The following CHRDL2 variants were observed in gnomAD, a reference collection of about 807,000 sequenced individuals.
The protein encoded by CHRDL2 is chordin-like protein 2.
A neutral mutation model predicts 54.3 loss-of-function variants in CHRDL2; 41 were observed. The ratio of observed to expected loss-of-function variants is 0.76; its 90% CI spans 0.59 to 0.98. CHRDL2 has a LOEUF of 0.98. CHRDL2 is among the 50% of genes least tolerant of loss of function. The pLI is 0.00. For missense variants in CHRDL2, 518 were observed against 562.4 expected (o/e 0.92, Z 0.80); for synonymous variants, 220 against 224.3 (o/e 0.98, Z 0.17).
chr11:74,704,364 C>T (rs559918241), intron 7 of CHRDL2, 122 bp downstream of exon 7: 11 of 919,234 alleles, frequency 1.2e-5, no homozygotes, highest in Non-Finnish European at 1.8e-5. Flanking sequence ...TCTACAAGCT[C>T]ATGGCCAAGT....
intron 5 of CHRDL2, 43 bp from the exon 6 acceptor site, chr11:74,706,585 G>A (rs915795087): frequency 2.5e-6 from 4 of 1,604,096 alleles, no homozygotes; most frequent in Non-Finnish European, 3.4e-6. Context: ...AGGCTCCCCA[G>A]CCTTGCTGGC....
intron 4 of CHRDL2, among the ~76,000 whole-genome samples, chr11:74,709,425 C>T (rs2034115085): frequency 6.6e-6 from 1 of 152,196 alleles, no homozygotes; most frequent in South Asian, 2.1e-4. Context: ...GAGCCCGTTT[C>T]CTCATCTGGA....
chr11:74,702,827 A>G lies in CHRDL2; in HGVS notation c.1087T>C (p.Leu363=), dbSNP rs34528207. Residue 363 remains leucine (L), a synonymous_variant, in exon 9 of 11, where the codon TTG becomes CTG. Transcript: ENST00000376332. ...AGCTTCCAGAGGTAGATCTCCACCA[A>G]GTCCGAGGCCTCGTGTTCCAGGGCA... The part of the protein sequence containing the change: ...RFALEHEASD[L]VEIYLWKLVK... The G allele has an allele frequency of 0.17, 269,699 of 1,613,852 alleles. 27,183 individuals carry two copies. Among genetic ancestry groups the G allele is most frequent in the South Asian group, 0.36 (32,454 of 91,068 alleles).
At chr11:74,724,937 G>A (rs900740103) in intron 1 of CHRDL2, among the ~76,000 whole-genome samples, 3 of 152,080 alleles carry the variant, frequency 2.0e-5, no homozygotes, top group Non-Finnish European at 2.9e-5. Context: ...AGTTAACAAA[G>A]AGGGAGAGAT....
intron 1 of CHRDL2, among the ~76,000 whole-genome samples, chr11:74,720,680 A>C (rs1336089521): frequency 6.6e-6 from 1 of 152,228 alleles, no homozygotes; most frequent in Non-Finnish European, 1.5e-5. Flanking sequence ...TAGACTTTGA[A>C]ACAGAATCGC....
At chr11:74,701,733 A>G in intron 9 of CHRDL2, 1 of 629,008 alleles carries the variant, frequency 1.6e-6, no homozygotes, top group Non-Finnish European at 2.9e-6. Context: ...TGTAAACTCC[A>G]AAGTGCTACA....
chr11:74,699,890 G>A (rs1271399629), intron 9 of CHRDL2, among the ~76,000 whole-genome samples: 2 of 152,254 alleles, frequency 1.3e-5, no homozygotes, highest in African/African-American at 2.4e-5. Flanking sequence ...CAACCCACAG[G>A]GTGAGGAGAT....
chr11:74,731,129 G>A lies in CHRDL2; in HGVS notation c.-241C>T. 1 of 538,890 alleles carries A rather than the reference G, an allele frequency of 1.9e-6. No individual in the cohort carries two copies. The highest frequency in any genetic ancestry group is 3.3e-6 in the Non-Finnish European group (1 of 302,556). The allele number at this position is 538,890 out of a possible 1,614,324, so 33.4% of individuals were successfully genotyped here. On this transcript the variant is annotated 5_prime_UTR_variant, in exon 1 of 11. Transcript: ENST00000376332. This position sits in a 1 kb window ranked among gnomAD's most constrained non-coding sequence, Gnocchi z 4.4. ...CGCGGGGAAAGGAGGGAGAGATGGA[G>A]AGACGAAGGAAGGTCCAGCAGAAGG...
intron 3 of CHRDL2, 25 bp downstream of exon 3, chr11:74,713,361 G>A (rs376856511): frequency 8.2e-5 from 131 of 1,598,838 alleles, no homozygotes; most frequent in East Asian, 2.7e-4. Flanking sequence ...GTCCATGGAC[G>A]ATGGGGAGGA....
intron 2 of CHRDL2, among the ~76,000 whole-genome samples, chr11:74,717,769 G>A (rs2034401360): frequency 6.6e-6 from 1 of 152,168 alleles, no homozygotes; most frequent in Non-Finnish European, 1.5e-5. Flanking sequence ...GGGAAAGAGT[G>A]GGGCTGGGAG....
intron 3 of CHRDL2, among the ~76,000 whole-genome samples, chr11:74,712,480 G>A (rs537849625): frequency 4.8e-4 from 73 of 152,262 alleles, no homozygotes; most frequent in Non-Finnish European, 8.4e-4. Flanking sequence ...CATCAGACAT[G>A]AGGACACTCC....
At chr11:74,709,744 G>C (rs1054701114) in intron 4 of CHRDL2, among the ~76,000 whole-genome samples, 7 of 152,162 alleles carry the variant, frequency 4.6e-5, no homozygotes, top group African/African-American at 1.7e-4. Context: ...GACAGTGCTG[G>C]AGATCAAACA....
chr11:74,711,727 C>G (rs1166783547), intron 3 of CHRDL2, among the ~76,000 whole-genome samples: 1 of 152,088 alleles, frequency 6.6e-6, no homozygotes, highest in Non-Finnish European at 1.5e-5. Flanking sequence ...ATAATCCCAG[C>G]ACTTTGGGAG....
At chr11:74,716,540 C>CAAAAAAAAAAA (rs751918696) in intron 2 of CHRDL2, among the ~76,000 whole-genome samples, 2 of 57,640 alleles carry the variant, frequency 3.5e-5, no homozygotes, top group African/African-American at 7.0e-5. Flanking sequence ...ACTCCATCTC[C>CAAAAAAAAAAA]AAAAAAAAAA....
chr11:74,728,066 C>T (rs925533589), intron 1 of CHRDL2, among the ~76,000 whole-genome samples: 1 of 152,118 alleles, frequency 6.6e-6, no homozygotes, highest in Admixed American at 6.5e-5. Context: ...AGGACTAGGG[C>T]TTGGCTTGTG....
At chr11:74,705,757 C>T (rs1181557539) in intron 6 of CHRDL2, among the ~76,000 whole-genome samples, 4 of 151,992 alleles carry the variant, frequency 2.6e-5, no homozygotes, top group African/African-American at 4.8e-5. Flanking sequence ...GGTCTCAGGC[C>T]CCCACCTGAG....
At chr11:74,711,509 C>T (rs2034191947) in intron 3 of CHRDL2, among the ~76,000 whole-genome samples, 1 of 152,208 alleles carries the variant, frequency 6.6e-6, no homozygotes, top group African/African-American at 2.4e-5. Flanking sequence ...TCCCCATCAC[C>T]TGCCCATCAG....
chr11:74,729,982 A>T (rs147984808), intron 1 of CHRDL2, among the ~76,000 whole-genome samples: 54 of 152,324 alleles, frequency 3.5e-4, no homozygotes, highest in African/African-American at 1.2e-3. Context: ...GAAGCTATCA[A>T]GCACCAGTCT....
intron 1 of CHRDL2, among the ~76,000 whole-genome samples, chr11:74,727,284 A>G (rs1370756195): frequency 1.3e-5 from 2 of 152,206 alleles, no homozygotes; most frequent in Admixed American, 1.3e-4. Flanking sequence ...TGCCCTCCAC[A>G]TCACATCCTA....
Sources: gnomAD v4.1 joint callset for allele counts (sites outside exome capture counted in the v4.1 genomes callset) on GRCh38, gnomAD v4.1.1 for gene constraint, Gnocchi (gnomAD v3.1) non-coding constraint, MANE v1.5 for transcripts, NCBI Gene and HGNC (gene_info 2026-07-23, HGNC 2026-07-21) for gene names.